The following PGD variants were observed in gnomAD, a reference collection of about 807,000 sequenced individuals.
The protein encoded by PGD is 6-phosphogluconate dehydrogenase, decarboxylating.
In PGD, 21 loss-of-function variants were observed where a neutral mutation model predicts 60.4. The ratio of observed to expected loss-of-function variants is 0.35; its 90% CI spans 0.25 to 0.50. The LOEUF (loss-of-function observed/expected upper bound fraction) is 0.50, where lower values mean the gene tolerates loss of function less well. PGD is among the 20% of genes least tolerant of loss of function. PGD has a pLI of 0.98. For synonymous variants in PGD, 230 were observed against 235.9 expected (o/e 0.97, Z 0.23); for missense variants, 477 against 613.1 (o/e 0.78, Z 2.34).
At chr1:10,403,400 G>A (rs1159440760) in intron 4 of PGD, among the ~76,000 whole-genome samples, 1 of 151,908 alleles carries the variant, frequency 6.6e-6, no homozygotes, top group East Asian at 1.9e-4. Context: ...GACCATCCTG[G>A]CTAACATGGC....
intron 3 of PGD, among the ~76,000 whole-genome samples, chr1:10,401,387 C>T (rs1190231308): frequency 6.6e-6 from 1 of 152,094 alleles, no homozygotes; most frequent in Non-Finnish European, 1.5e-5. Context: ...CTGAAAAAAC[C>T]CAGGCACTCC....
chr1:10,407,002 T>TCTG (rs1639419236), intron 5 of PGD, among the ~76,000 whole-genome samples: 1 of 152,220 alleles, frequency 6.6e-6, no homozygotes, highest in Admixed American at 6.5e-5. Context: ...AATCATACTG[T>TCTG]CTGCTGCTGC....
chr1:10,412,308 T>A (rs1433836653), intron 7 of PGD, among the ~76,000 whole-genome samples: 6 of 152,238 alleles, frequency 3.9e-5, no homozygotes, highest in Admixed American at 3.3e-4. Flanking sequence ...TAGTCGTGTC[T>A]TACCATCTAG....
chr1:10,406,509 C>T (rs772156139), intron 5 of PGD, among the ~76,000 whole-genome samples: 4 of 152,182 alleles, frequency 2.6e-5, no homozygotes, highest in Admixed American at 1.3e-4. Flanking sequence ...CAGTTGTTTC[C>T]ATCAGTTCTC....
rs202058165 is a variant in PGD at position 10,417,396 on chromosome 1, C to A, written c.996C>A (p.Ile332=). The change falls in exon 10 of 13, where the codon ATC becomes ATA. Residue 332 remains isoleucine (I), a synonymous_variant. Transcript: ENST00000270776. Reference sequence around the variant, plus strand: ...TTTAGGCACTCTACGCTTCCAAGATCATCTCTTACGCTCAAGGCTTTATGC... The same window carrying A: ...TTTAGGCACTCTACGCTTCCAAGATAATCTCTTACGCTCAAGGCTTTATGC... ...DIRKALYASK[I]ISYAQGFMLL... is the part of the protein sequence containing the mutation. 3 of 1,612,130 alleles carry A rather than the reference C, an allele frequency of 1.9e-6. No individual in the cohort carries two copies.
intron 1 of PGD, chr1:10,399,399 G>T: frequency 2.1e-6 from 1 of 477,848 alleles, no homozygotes; most frequent in Non-Finnish European, 3.6e-6. Flanking sequence ...GAGTCTGCAG[G>T]GACACCTGCG....
Position 10,417,162 on chromosome 1 carries a change from G to A in PGD, c.975+45G>A, listed in dbSNP as rs1639610393. 3 of 1,608,910 alleles carry A rather than the reference G, an allele frequency of 1.9e-6. No homozygotes were observed. The South Asian group carries it at 3.3e-5, about 18-fold the overall frequency. On this transcript the variant is annotated intron_variant, in intron 9 of 12. Transcript: ENST00000270776. ...AGTGGTCTTTGTTGGTCCTGCGGAAGGCAGTGGGGGTGGGGGTTGTGGTGG... is the reference window on the plus strand; with the variant it reads ...AGTGGTCTTTGTTGGTCCTGCGGAAAGCAGTGGGGGTGGGGGTTGTGGTGG...
chr1:10,406,704 C>G (rs1639411309), intron 5 of PGD, among the ~76,000 whole-genome samples: 1 of 152,098 alleles, frequency 6.6e-6, no homozygotes, highest in African/African-American at 2.4e-5. Flanking sequence ...CCTTGACTGG[C>G]CATTAGGGAG....
Position 10,400,445 on chromosome 1 carries a change from A to G in PGD, c.137A>G (p.Glu46Gly). ...AAAGTTGATGATTTCTTGGCCAATG[A>G]GGCAAAGGGAACCAAAGTGGTGGGT... Reference protein sequence around the residue: ...VSKVDDFLANEAKGTKVVGAQ... With the variant: ...VSKVDDFLANGAKGTKVVGAQ... The change falls in exon 3 of 13, where the codon GAG (glutamate) becomes GGG (glycine). Residue 46 changes from glutamate (E) to glycine (G), a missense_variant. Glu to Gly is a moderately conservative substitution (Grantham distance 98). Around this residue, in one of 3 missense-constraint regions of PGD, gnomAD observed 431 missense variants for 556.6 expected, o/e 0.77. Transcript: ENST00000270776. The G allele has an allele frequency of 1.2e-6, 2 of 1,613,870 alleles. No individual in the cohort carries two copies. Among genetic ancestry groups the G allele is most frequent in the Non-Finnish European group, 1.7e-6 (2 of 1,179,818 alleles).
intron 1 of PGD, 97 bp downstream of exon 1, chr1:10,399,222 CT>C: frequency 7.1e-7 from 1 of 1,412,498 alleles, no homozygotes. Flanking sequence ...GCCTCCCACC[CT>C]GGGGGTCGCC....
Position 10,404,267 on chromosome 1 carries a change from A to G in PGD, c.437A>G (p.Asn146Ser). Residue 146 changes from asparagine (N) to serine (S), a missense_variant, in exon 5 of 13, where the codon AAC (asparagine) becomes AGC (serine). By Grantham distance (46) the Asn-to-Ser change is conservative (BLOSUM62 1). Around this residue, in one of 3 missense-constraint regions of PGD, gnomAD observed 431 missense variants for 556.6 expected, o/e 0.77. Coordinates refer to ENST00000270776, the MANE Select transcript of PGD (RefSeq NM_002631.4). Reference sequence around the variant, plus strand: ...GGCCCATCGCTCATGCCAGGAGGGAACAAAGAAGCGTGGTGAGTGCCATCA... The same window carrying G: ...GGCCCATCGCTCATGCCAGGAGGGAGCAAAGAAGCGTGGTGAGTGCCATCA... The part of the protein sequence containing the change: ...RYGPSLMPGG[N>S]KEAWPHIKTI... 1 of 1,607,312 alleles carries G rather than the reference A, an allele frequency of 6.2e-7. No individual in the cohort carries two copies. The highest frequency in any genetic ancestry group is 8.5e-7 in the Non-Finnish European group (1 of 1,175,414).
intron 6 of PGD, among the ~76,000 whole-genome samples, chr1:10,409,130 TC>T (rs1267444746): frequency 6.6e-6 from 1 of 152,236 alleles, no homozygotes; most frequent in African/African-American, 2.4e-5. Context: ...AGCTCCTGAT[TC>T]CCTTTAATTT....
chr1:10,404,586 G>A (rs557375293), intron 5 of PGD, among the ~76,000 whole-genome samples: 6 of 149,978 alleles, frequency 4.0e-5, no homozygotes, highest in Admixed American at 2.7e-4. Flanking sequence ...TGCACCCCCC[G>A]TCTCCTGGGC....
intron 8 of PGD, among the ~76,000 whole-genome samples, chr1:10,416,511 C>G (rs994059409): frequency 3.9e-5 from 6 of 152,182 alleles, no homozygotes; most frequent in Non-Finnish European, 7.3e-5. Flanking sequence ...GCTGTGCGAA[C>G]TTTGGTAATT....
At chr1:10,409,928 T>A (rs571098082) in intron 6 of PGD, among the ~76,000 whole-genome samples, 3 of 152,204 alleles carry the variant, frequency 2.0e-5, no homozygotes, top group Admixed American at 1.3e-4. Context: ...AGTGTTGGGA[T>A]TATAGGCGTG....
At chr1:10,399,467 C>A (rs1639272385) in intron 1 of PGD, 162 bp from the exon 2 acceptor site, 2 of 544,944 alleles carry the variant, frequency 3.7e-6, no homozygotes, top group Non-Finnish European at 6.0e-6. Context: ...CCTGCCCGGC[C>A]GAGGCTCTGC....
chr1:10,404,119 T>A (rs1408422981), intron 4 of PGD, 42 bp from the exon 5 acceptor site: 1 of 1,369,510 alleles, frequency 7.3e-7, no homozygotes, highest in Non-Finnish European at 1.0e-6. Context: ...GGAAGCATAA[T>A]GAAACATGGA....
chr1:10,410,558 C>G (rs941149287), intron 6 of PGD, among the ~76,000 whole-genome samples: 13 of 152,078 alleles, frequency 8.5e-5, no homozygotes, highest in African/African-American at 3.1e-4. Context: ...AACACCTGGC[C>G]TCCTGGGCAG....
chr1:10,411,269 G>A lies in PGD; in HGVS notation c.520-149G>A, dbSNP rs1315525468. ...TGCTTTGAATTGCTATATGATTCTT[G>A]TATCAAAAATGCTGTACTCATTTTA... is the stretch of plus-strand genomic sequence containing the variant. On this transcript the variant is annotated intron_variant, in intron 6 of 12. Coordinates refer to ENST00000270776, the MANE Select transcript of PGD (RefSeq NM_002631.4). 8.1e-6 allele frequency: 6 copies of A among 736,208 alleles called. No individual in the cohort carries two copies. The East Asian group carries it at 1.6e-4, about 20-fold the overall frequency. 45.6% of individuals were successfully genotyped at this position (736,208 alleles called of 1,614,324 possible).
Sources: allele counts gnomAD v4.1 joint callset (sites outside exome capture counted in the v4.1 genomes callset), GRCh38; gene constraint gnomAD v4.1.1; regional missense constraint gnomAD v4.1.1; transcripts MANE v1.5; gene names NCBI Gene and HGNC (gene_info 2026-07-23, HGNC 2026-07-21).